Variants in IPCEF1 observed in about 807,000 individuals in gnomAD.
IPCEF1 encodes interactor protein for cytohesin exchange factors 1.
IPCEF1 carries 31 observed loss-of-function variants against 50.9 expected under a neutral mutation model. The observed-to-expected ratio is 0.61, with a 90% CI of 0.46 to 0.82. The LOEUF (loss-of-function observed/expected upper bound fraction) is 0.82, where lower values mean the gene tolerates loss of function less well. Ranked by LOEUF, IPCEF1 falls within the 40% of genes least tolerant of loss-of-function variation. The pLI is 0.00. For synonymous variants in IPCEF1, 181 were observed against 192.0 expected, an observed-to-expected ratio of 0.94 and a Z score of 0.47; for missense variants, 458 against 514.0, an observed-to-expected ratio of 0.89 and a Z score of 1.05.
chr6:154,349,666 C>T (rs541490609), intron 1 of IPCEF1, among the ~76,000 whole-genome samples: 76 of 152,124 alleles, frequency 5.0e-4, no homozygotes, highest in African/African-American at 1.7e-3. Flanking sequence ...TCCTCTCTGG[C>T]GTTACAGATC....
intron 3 of IPCEF1, among the ~76,000 whole-genome samples, chr6:154,257,171 C>T (rs188112360): frequency 1.2e-4 from 19 of 152,280 alleles, no homozygotes; most frequent in African/African-American, 4.6e-4. Flanking sequence ...GTCTGTATCT[C>T]CTTCCTCCCA....
At chr6:154,341,391 C>G (rs145591145) in intron 1 of IPCEF1, among the ~76,000 whole-genome samples, 1 of 152,274 alleles carries the variant, frequency 6.6e-6, no homozygotes, top group Non-Finnish European at 1.5e-5. Context: ...AGGCTGAAAG[C>G]CCTTGGGGCT....
intron 10 of IPCEF1, among the ~76,000 whole-genome samples, chr6:154,173,680 C>T (rs56827782): frequency 1.2e-3 from 185 of 152,214 alleles, no homozygotes; most frequent in African/African-American, 4.4e-3. Context: ...TGTGAAAAGA[C>T]CAAATCTACA....
At chr6:154,227,530 GCAACATGGTGAAATCCCATCT>G (rs1320130021) in intron 5 of IPCEF1, among the ~76,000 whole-genome samples, 1 of 152,022 alleles carries the variant, frequency 6.6e-6, no homozygotes, top group African/African-American at 2.4e-5. Flanking sequence ...ACCAGCCTGG[GCAACATGGTGAAATCCCATCT>G]CTGCAAAAGT....
intron 5 of IPCEF1, among the ~76,000 whole-genome samples, chr6:154,226,711 C>T (rs534291395): frequency 1.2e-4 from 18 of 152,276 alleles, no homozygotes; most frequent in Non-Finnish European, 1.9e-4. Flanking sequence ...ATGTTTACAT[C>T]ATGAACATTC....
At chr6:154,304,842 G>A (rs56052706) in intron 1 of IPCEF1, among the ~76,000 whole-genome samples, 18,730 of 152,136 alleles carry the variant, frequency 0.12, 2,314 homozygotes, top group African/African-American at 0.32. Flanking sequence ...GGCCGGGCGC[G>A]GTGGCTCACG....
At chr6:154,212,680 T>A in intron 9 of IPCEF1, 90 bp downstream of exon 9, 1 of 834,762 alleles carries the variant, frequency 1.2e-6, no homozygotes, top group Non-Finnish European at 1.9e-6. Flanking sequence ...TTCTAAAAAT[T>A]TATTGGTCAA....
intron 5 of IPCEF1, among the ~76,000 whole-genome samples, chr6:154,226,936 C>T (rs1400759661): frequency 6.6e-6 from 1 of 152,220 alleles, no homozygotes; most frequent in African/African-American, 2.4e-5. Flanking sequence ...GTGGCTCACG[C>T]CTGTAATCCC....
chr6:154,337,839 C>A (rs570532043), intron 1 of IPCEF1, among the ~76,000 whole-genome samples: 1 of 152,292 alleles, frequency 6.6e-6, no homozygotes, highest in South Asian at 2.1e-4. Context: ...CAGGAAGACT[C>A]GAGTAGAGGA....
At chr6:154,298,267 A>G (rs1002079009) in intron 1 of IPCEF1, among the ~76,000 whole-genome samples, 1 of 152,344 alleles carries the variant, frequency 6.6e-6, no homozygotes, top group African/African-American at 2.4e-5. Flanking sequence ...AACTATAAAA[A>G]CTTTTTCTAA....
chr6:154,168,543 A>G lies in IPCEF1; in HGVS notation c.911-430T>C, dbSNP rs1347568869. 6.6e-6 allele frequency among the ~76,000 whole-genome samples: 1 copy of G among 152,132 alleles called. No individual in the cohort carries two copies. The highest frequency in any genetic ancestry group is 1.5e-5 in the Non-Finnish European group (1 of 68,018). On this transcript the variant is annotated intron_variant, in intron 10 of 11. Transcript: ENST00000367220. The surrounding 1 kb of genome is among the most constrained non-coding windows in gnomAD (Gnocchi z 4.1). Reference sequence around the variant, plus strand: ...AACAACCCCATTTCCCAATAAGGTCACATTCTGAGGTATTAGGGGTTAGGA... The same window carrying G: ...AACAACCCCATTTCCCAATAAGGTCGCATTCTGAGGTATTAGGGGTTAGGA...
intron 5 of IPCEF1, among the ~76,000 whole-genome samples, chr6:154,229,127 G>A (rs1449951587): frequency 6.6e-6 from 1 of 152,158 alleles, no homozygotes; most frequent in African/African-American, 2.4e-5. Context: ...CTCTCTTACT[G>A]TATTTAATTA....
rs760465059 is a variant in IPCEF1 at position 154,159,896 on chromosome 6, C to T, written c.1249G>A (p.Asp417Asn). Residue 417 changes from aspartate (D) to asparagine (N), a missense_variant, in exon 12 of 12, where the codon GAC (aspartate) becomes AAC (asparagine). Physicochemically the swap from Asp to Asn is conservative, Grantham distance 23. Transcript: ENST00000367220. ...AGTTCCTGGGGGGTGTCATCAGTGT[C>T]ATCAGGGGCAGGCGAAGCCCGCTGC... ...QQQRASPAPD[D>N]TDDTPQELKK... 2 of 1,613,840 alleles carry T rather than the reference C, an allele frequency of 1.2e-6. No homozygotes were observed. The highest frequency in any genetic ancestry group is 1.1e-5 in the South Asian group (1 of 90,994).
At chr6:154,326,232 A>AAG (rs1554225063) in intron 1 of IPCEF1, among the ~76,000 whole-genome samples, 6 of 151,922 alleles carry the variant, frequency 3.9e-5, no homozygotes, top group African/African-American at 1.2e-4. Flanking sequence ...AAAAAAAAAA[A>AAG]AAAAGAAAAG....
chr6:154,169,256 G>T (rs1397694031), intron 10 of IPCEF1, among the ~76,000 whole-genome samples: 2 of 152,114 alleles, frequency 1.3e-5, no homozygotes, highest in African/African-American at 4.8e-5. Context: ...AGCTACTCAG[G>T]AGACTGAGAC....
chr6:154,281,938 AG>A (rs1409427245), intron 2 of IPCEF1, among the ~76,000 whole-genome samples: 4 of 152,204 alleles, frequency 2.6e-5, no homozygotes, highest in African/African-American at 9.6e-5. Context: ...CAGAAGGTAG[AG>A]GTTGCAATGA....
At chr6:154,234,011 C>T (rs575960606) in intron 5 of IPCEF1, among the ~76,000 whole-genome samples, 2 of 152,216 alleles carry the variant, frequency 1.3e-5, no homozygotes, top group South Asian at 4.1e-4. Flanking sequence ...GAGTTCAAGA[C>T]CAGCCTGGGC....
intron 5 of IPCEF1, among the ~76,000 whole-genome samples, chr6:154,238,164 T>C (rs866393803): frequency 2.0e-5 from 3 of 152,234 alleles, no homozygotes; most frequent in African/African-American, 7.2e-5. Flanking sequence ...TCATGTATGA[T>C]ATTATTTTAT....
intron 10 of IPCEF1, among the ~76,000 whole-genome samples, chr6:154,175,085 C>T (rs1035643324): frequency 8.2e-4 from 125 of 152,192 alleles, no homozygotes; most frequent in Admixed American, 3.8e-3. Flanking sequence ...GGGTAAATAA[C>T]AAAATGAAGG....
Sources: gnomAD v4.1 joint callset for allele counts (sites outside exome capture counted in the v4.1 genomes callset) on GRCh38, gnomAD v4.1.1 for gene constraint, Gnocchi (gnomAD v3.1) non-coding constraint, MANE v1.5 for transcripts, NCBI Gene and HGNC (gene_info 2026-07-23, HGNC 2026-07-21) for gene names.